The following BTLA variants were observed in gnomAD, a reference collection of about 807,000 sequenced individuals.
BTLA encodes B- and T-lymphocyte attenuator.
A neutral mutation model predicts 25.0 loss-of-function variants in BTLA; 11 were observed. The ratio of observed to expected loss-of-function variants is 0.44; its 90% CI spans 0.28 to 0.73. The LOEUF is 0.73. Ranked by LOEUF, BTLA falls within the 30% of genes least tolerant of loss-of-function variation. The probability of loss-of-function intolerance (pLI) is 0.15; values close to 1 mark genes in which losing one functional copy is unlikely to be tolerated. For missense variants in BTLA, 282 were observed against 332.8 expected, an observed-to-expected ratio of 0.85 and a Z score of 1.19; for synonymous variants, 104 against 119.8, an observed-to-expected ratio of 0.87 and a Z score of 0.86.
chr3:112,495,337 A>C (rs2082403819), intron 1 of BTLA, among the ~76,000 whole-genome samples: 1 of 152,212 alleles, frequency 6.6e-6, no homozygotes, highest in South Asian at 2.1e-4. Context: ...GCCTGTAAAT[A>C]TTTTTCTTTT....
chr3:112,492,951 C>T (rs377575799), intron 1 of BTLA, among the ~76,000 whole-genome samples: 33 of 152,300 alleles, frequency 2.2e-4, no homozygotes, highest in African/African-American at 7.9e-4. Context: ...ATCTAACACT[C>T]TTCTGGACTC....
At chr3:112,494,789 G>A (rs1478691169) in intron 1 of BTLA, among the ~76,000 whole-genome samples, 2 of 151,846 alleles carry the variant, frequency 1.3e-5, no homozygotes, top group African/African-American at 4.8e-5. Flanking sequence ...TTAGAGGATG[G>A]GTCAATAGGT....
At chr3:112,496,507 A>G (rs1559831718) in intron 1 of BTLA, among the ~76,000 whole-genome samples, 1 of 152,182 alleles carries the variant, frequency 6.6e-6, no homozygotes, top group Non-Finnish European at 1.5e-5. Context: ...GTAGGGGGAA[A>G]AAATCTTCAA....
intron 1 of BTLA, among the ~76,000 whole-genome samples, chr3:112,485,849 A>T (rs553979913): frequency 8.3e-4 from 126 of 152,372 alleles, no homozygotes; most frequent in African/African-American, 2.9e-3. Flanking sequence ...ACGGTGGCTC[A>T]CGCCTGTGGT....
chr3:112,486,185 C>A (rs571592685), intron 1 of BTLA, among the ~76,000 whole-genome samples: 23 of 152,274 alleles, frequency 1.5e-4, no homozygotes, highest in African/African-American at 4.3e-4. Flanking sequence ...AATGAAATAT[C>A]CCTTGTTAAG....
At chr3:112,472,134 G>A (rs1347660274) in intron 2 of BTLA, among the ~76,000 whole-genome samples, 2 of 152,142 alleles carry the variant, frequency 1.3e-5, no homozygotes, top group African/African-American at 4.8e-5. Context: ...CAAGGTAGGG[G>A]GAGGGAGGCT....
At chr3:112,488,564 C>T (rs572580339) in intron 1 of BTLA, among the ~76,000 whole-genome samples, 3 of 151,560 alleles carry the variant, frequency 2.0e-5, no homozygotes, top group Non-Finnish European at 4.4e-5. Context: ...CCTCATATCC[C>T]CACTCCCTAG....
At chr3:112,499,472 T>TAAAAAAAAAAAAAA (rs71631393), upstream of BTLA, 1 of 375,142 alleles carries the variant, frequency 2.7e-6, no homozygotes. Flanking sequence ...GTGAAATAAC[T>TAAAAAAAAAAAAAA]AAAAAAAAAA....
chr3:112,486,711 TA>T (rs1051360685), intron 1 of BTLA, among the ~76,000 whole-genome samples: 1 of 152,180 alleles, frequency 6.6e-6, no homozygotes, highest in South Asian at 2.1e-4. Flanking sequence ...AAAACAACAT[TA>T]AAAAAATTTC....
rs56752404 is a variant in BTLA at position 112,464,798 on chromosome 3, A to AACACACACAC, written c.*1300_*1309dup. 5.5e-5 allele frequency: 8 copies of AACACACACAC among 146,496 alleles called. No individual in the cohort carries two copies. Among genetic ancestry groups the AACACACACAC allele is most frequent in the African/African-American group, 2.0e-4 (8 of 40,012 alleles). 9.1% of individuals were successfully genotyped at this position (146,496 alleles called of 1,614,324 possible). A position where few individuals can be genotyped will look rare whatever the true frequency, so the allele number is the denominator to read the frequency against. On this transcript the variant is annotated 3_prime_UTR_variant, in exon 5 of 5. Coordinates refer to ENST00000334529, the MANE Select transcript of BTLA (RefSeq NM_181780.4). ...ATTTCTGTTGTCACCCACCCCACCT[A>AACACACACAC]ACACACACACACACACACACACACA...
chr3:112,493,676 A>C (rs567800349), intron 1 of BTLA, among the ~76,000 whole-genome samples: 25 of 152,254 alleles, frequency 1.6e-4, no homozygotes, highest in African/African-American at 5.8e-4. Flanking sequence ...TAATTTTTGT[A>C]TTTTTAGTAC....
chr3:112,465,116 A>T lies in BTLA; in HGVS notation c.*992T>A, dbSNP rs1395760723. On this transcript the variant is annotated 3_prime_UTR_variant, in exon 5 of 5. Coordinates refer to ENST00000334529, the MANE Select transcript of BTLA (RefSeq NM_181780.4). ...AAACTAAAATATGTCACTACAGATG[A>T]TTTGCCCTGATTCCTTAGTAAGAAG... The T allele has an allele frequency of 6.6e-6, 1 of 152,364 alleles. No individual in the cohort carries two copies. The highest frequency in any genetic ancestry group is 2.4e-5 in the African/African-American group (1 of 41,450). 9.4% of individuals were successfully genotyped at this position (152,364 alleles called of 1,614,324 possible).
At chr3:112,471,647 C>A (rs1173516879) in intron 2 of BTLA, among the ~76,000 whole-genome samples, 1 of 152,290 alleles carries the variant, frequency 6.6e-6, no homozygotes, top group East Asian at 1.9e-4. Context: ...TTCATTAAGC[C>A]TTTCTATTTA....
intron 2 of BTLA, among the ~76,000 whole-genome samples, chr3:112,474,163 T>C (rs1248728842): frequency 6.6e-6 from 1 of 152,108 alleles, no homozygotes; most frequent in Non-Finnish European, 1.5e-5. Flanking sequence ...CAAAAGAAAG[T>C]CACTTATAAA....
At chr3:112,473,208 T>C (rs1009321639) in intron 2 of BTLA, among the ~76,000 whole-genome samples, 2 of 151,700 alleles carry the variant, frequency 1.3e-5, no homozygotes, top group Non-Finnish European at 2.9e-5. Flanking sequence ...CTCTCACGTG[T>C]CCAAAACCAG....
intron 2 of BTLA, among the ~76,000 whole-genome samples, chr3:112,474,050 GC>G (rs2082276898): frequency 6.6e-6 from 1 of 152,218 alleles, no homozygotes; most frequent in African/African-American, 2.4e-5. Context: ...TGTGCAAGGT[GC>G]TTTTCTTCAT....
chr3:112,464,816 C>CAT lies in BTLA; in HGVS notation c.*1291_*1292insAT, dbSNP rs1332423194. 6.6e-6 allele frequency: 1 copy of CAT among 151,830 alleles called. No homozygotes were observed. The highest frequency in any genetic ancestry group is 1.5e-5 in the Non-Finnish European group (1 of 67,976). 9.4% of individuals were successfully genotyped at this position (151,830 alleles called of 1,614,324 possible). A position where few individuals can be genotyped will look rare whatever the true frequency, so the allele number is the denominator to read the frequency against. ...CCCACCTAACACACACACACACACA[C>CAT]ACACACACACACATCACATTCCTTT... On this transcript the variant is annotated 3_prime_UTR_variant, in exon 5 of 5. Transcript: ENST00000334529.
At chr3:112,473,871 C>T (rs1559824630) in intron 2 of BTLA, among the ~76,000 whole-genome samples, 1 of 152,004 alleles carries the variant, frequency 6.6e-6, no homozygotes, top group Non-Finnish European at 1.5e-5. Context: ...TCGTCTTGGC[C>T]TCCCAAAGTG....
intron 1 of BTLA, among the ~76,000 whole-genome samples, chr3:112,488,708 G>A (rs1051780709): frequency 6.6e-6 from 1 of 152,162 alleles, no homozygotes; most frequent in South Asian, 2.1e-4. Context: ...CCACCCACCG[G>A]GTTCAAGCAA....
Sources: gnomAD v4.1 joint callset for allele counts (sites outside exome capture counted in the v4.1 genomes callset) on GRCh38, gnomAD v4.1.1 for gene constraint, MANE v1.5 for transcripts, NCBI Gene and HGNC (gene_info 2026-07-23, HGNC 2026-07-21) for gene names.